WDSUB1: variants seen among roughly 807,000 people sequenced by gnomAD.
The protein encoded by WDSUB1 is WD repeat, sterile alpha motif and U-box domain containing 1.
WDSUB1 carries 49 observed loss-of-function variants against 53.9 expected under a neutral mutation model. The observed-to-expected ratio is 0.91, with a 90% CI of 0.72 to 1.15. The LOEUF is 1.15. Among genes scored for constraint, WDSUB1 ranks in the 50% most tolerant of loss-of-function variants. WDSUB1 has a pLI of 0.00. For synonymous variants in WDSUB1, 194 were observed against 200.6 expected (o/e 0.97, Z 0.28); for missense variants, 514 against 562.0 (o/e 0.91, Z 0.86).
rs1164091529 is a variant in WDSUB1 at position 159,256,115 on chromosome 2, A to G, written c.1132+81T>C. 11 of 1,341,350 alleles carry G rather than the reference A, an allele frequency of 8.2e-6. No homozygotes were observed. The East Asian group carries it at 1.4e-4, about 17-fold the overall frequency. The allele number at this position is 1,341,350 out of a possible 1,614,324, so 83.1% of individuals were successfully genotyped here. A position where few individuals can be genotyped will look rare whatever the true frequency, so the allele number is the denominator to read the frequency against. On this transcript the variant is annotated intron_variant, in intron 9 of 10. Coordinates refer to ENST00000359774, the MANE Select transcript of WDSUB1 (RefSeq NM_001128212.3). ...TGTAGTGCCAGAACATTAAGAAGAA[A>G]CCATTAATGCAACAAAATCCAACTG...
At chr2:159,256,452 T>A in intron 8 of WDSUB1, 77 bp from the exon 9 acceptor site, 1 of 1,436,162 alleles carries the variant, frequency 7.0e-7, no homozygotes, top group Non-Finnish European at 9.5e-7. Context: ...GAATTAAAAG[T>A]AAATGAAATT....
rs571987309 is a variant in WDSUB1 at position 159,284,210 on chromosome 2, C to T, written c.-24-1117G>A. On this transcript the variant is annotated intron_variant, in intron 1 of 10. Transcript: ENST00000359774. The stretch of plus-strand genomic sequence containing the variant: ...CTATAACCTCTGATTCTCACAACCA[C>T]CGTTGTCATACCAATAAATTTCCAC... Among the ~76,000 whole-genome samples the T allele has an allele frequency of 3.9e-5, 6 of 152,312 alleles. No individual in the cohort carries two copies. The South Asian group carries it at 8.3e-4, about 21-fold the overall frequency.
intron 8 of WDSUB1, 67 bp from the exon 9 acceptor site, chr2:159,256,442 G>T: frequency 6.8e-7 from 1 of 1,480,934 alleles, no homozygotes; most frequent in Non-Finnish European, 9.2e-7. Context: ...TTCTCACTTT[G>T]AATTAAAAGT....
intron 5 of WDSUB1, among the ~76,000 whole-genome samples, chr2:159,267,796 A>G (rs1313908670): frequency 6.6e-6 from 1 of 152,118 alleles, no homozygotes; most frequent in African/African-American, 2.4e-5. Flanking sequence ...TAATTGACCT[A>G]TTTTTATCTA....
At chr2:159,265,099 AT>A (rs1426519058) in intron 5 of WDSUB1, among the ~76,000 whole-genome samples, 3,974 of 141,650 alleles carry the variant, frequency 0.028, 161 homozygotes, top group African/African-American at 0.11. Flanking sequence ...AAAAAAAAAA[AT>A]AAAACAACAA....
rs533905834 is a variant in WDSUB1 at position 159,242,271 on chromosome 2, A to T, written c.1274-6081T>A. 1.3e-3 allele frequency among the ~76,000 whole-genome samples: 191 copies of T among 145,618 alleles called. 6 individuals carry two copies. Among genetic ancestry groups the T allele is most frequent in the Admixed American group, 2.7e-3 (41 of 15,084 alleles). Reference sequence around the variant, plus strand: ...ACGGGGTTTTACCGTGTTAGCCAGGATGGTCTCGCTCTCCTGACCTCATGA... The same window carrying T: ...ACGGGGTTTTACCGTGTTAGCCAGGTTGGTCTCGCTCTCCTGACCTCATGA... On this transcript the variant is annotated intron_variant, in intron 10 of 10. Transcript: ENST00000359774.
chr2:159,255,489 T>A (rs561941644), intron 9 of WDSUB1, among the ~76,000 whole-genome samples: 4 of 147,958 alleles, frequency 2.7e-5, no homozygotes, highest in Non-Finnish European at 5.9e-5. Context: ...ATAAAATAAA[T>A]TAAATTAAAT....
At chr2:159,275,756 A>G (rs1284929520) in intron 3 of WDSUB1, 118 bp from the exon 4 acceptor site, 2 of 724,202 alleles carry the variant, frequency 2.8e-6, no homozygotes, top group Non-Finnish European at 4.3e-6. Flanking sequence ...TTCACAAGTT[A>G]TTAGTTAACT....
At chr2:159,237,595 TACCC>T (rs928488197) in intron 10 of WDSUB1, among the ~76,000 whole-genome samples, 1 of 152,186 alleles carries the variant, frequency 6.6e-6, no homozygotes, top group African/African-American at 2.4e-5. Context: ...CAATCCTTGT[TACCC>T]ACCCTTCCCA....
At chr2:159,270,330 T>C (rs562112664) in intron 5 of WDSUB1, among the ~76,000 whole-genome samples, 1 of 152,190 alleles carries the variant, frequency 6.6e-6, no homozygotes, top group East Asian at 1.9e-4. Flanking sequence ...TCAGACTCTA[T>C]ATAATCCTAA....
intron 6 of WDSUB1, among the ~76,000 whole-genome samples, chr2:159,258,804 C>T (rs548673031): frequency 1.3e-5 from 2 of 152,234 alleles, no homozygotes; most frequent in African/African-American, 4.8e-5. Flanking sequence ...TCTCATGAAA[C>T]GTTCATGAGA....
intron 9 of WDSUB1, 55 bp from the exon 10 acceptor site, chr2:159,248,567 G>C: frequency 2.1e-6 from 3 of 1,424,200 alleles, no homozygotes; most frequent in Non-Finnish European, 9.2e-7. Context: ...TTACTACTAG[G>C]ATACTACCAG....
rs1434275002 is a variant in WDSUB1, at chr2:159,235,980, T to C, written c.*53A>G. 16 of 1,501,354 alleles carry C rather than the reference T, an allele frequency of 1.1e-5. No individual in the cohort carries two copies. Among genetic ancestry groups the C allele is most frequent in the Non-Finnish European group, 1.4e-5 (16 of 1,120,014 alleles). 93.0% of individuals were successfully genotyped at this position (1,501,354 alleles called of 1,614,324 possible). A position where few individuals can be genotyped will look rare whatever the true frequency, so the allele number is the denominator to read the frequency against. ...ATAATGTCTGATTAGTATTTACCTA[T>C]AAATCATTCAAATGAGATCACTGAA... is the stretch of plus-strand genomic sequence containing the variant. On this transcript the variant is annotated 3_prime_UTR_variant, in exon 11 of 11. Transcript: ENST00000359774.
In WDSUB1 at chr2:159,257,789, G is replaced by A. The variant is rs1240941686; in HGVS notation, c.921C>T (p.Ile307=). The A allele has an allele frequency of 6.2e-7, 1 of 1,614,198 alleles. No homozygotes were observed. Among genetic ancestry groups the A allele is most frequent in the South Asian group, 1.1e-5 (1 of 91,078 alleles). ...AAAGTGTTTCCAGGTCAAATTGCCA[G>A]ATGTTCACTGTTTTGTCCATTGAAC... ...ATGSMDKTVN[I]WQFDLETLCQ... Residue 307 remains isoleucine, a synonymous_variant, in exon 8 of 11, where the codon ATC becomes ATT. Transcript: ENST00000359774.
intron 4 of WDSUB1, among the ~76,000 whole-genome samples, chr2:159,273,742 C>G (rs984975876): frequency 6.6e-6 from 1 of 152,120 alleles, no homozygotes; most frequent in Non-Finnish European, 1.5e-5. Context: ...TTTAACTGCA[C>G]GTTTATAAAC....
intron 10 of WDSUB1, among the ~76,000 whole-genome samples, chr2:159,237,502 C>A (rs1273007002): frequency 6.8e-6 from 1 of 147,852 alleles, no homozygotes; most frequent in Admixed American, 6.7e-5. Context: ...GCCTGGGTGA[C>A]AGAGCAAGAC....
chr2:159,285,620 C>T (rs2061776429), intron 1 of WDSUB1, among the ~76,000 whole-genome samples: 1 of 152,134 alleles, frequency 6.6e-6, no homozygotes, highest in Admixed American at 6.6e-5. Context: ...GCGGGAGCAT[C>T]ACTTGAGCCC....
chr2:159,266,081 A>C (rs6729870), intron 5 of WDSUB1, among the ~76,000 whole-genome samples: 74,381 of 152,136 alleles, frequency 0.49, 19,327 homozygotes, highest in Non-Finnish European at 0.57. Context: ...AATGAATTTA[A>C]AATATTTCAG....
chr2:159,244,979 A>G (rs1289986871), intron 10 of WDSUB1, among the ~76,000 whole-genome samples: 1 of 152,190 alleles, frequency 6.6e-6, no homozygotes, highest in Non-Finnish European at 1.5e-5. Context: ...CCTAAAGATA[A>G]TTTTGACAAA....
Sources: gnomAD v4.1 joint callset for allele counts (sites outside exome capture counted in the v4.1 genomes callset) on GRCh38, gnomAD v4.1.1 for gene constraint, MANE v1.5 for transcripts, NCBI Gene and HGNC (gene_info 2026-07-23, HGNC 2026-07-21) for gene names.